The following TEX36 variants were observed in gnomAD, a reference collection of about 807,000 sequenced individuals.
TEX36 encodes the protein testis expressed 36, also known as testis-expressed protein 36.
A neutral mutation model predicts 13.6 loss-of-function variants in TEX36; 12 were observed. The observed-to-expected ratio is 0.88, with a 90% CI of 0.56 to 1.43. The LOEUF is 1.43. Among genes scored for constraint, TEX36 ranks in the 40% most tolerant of loss-of-function variants. TEX36 has a pLI of 0.00. For synonymous variants in TEX36, 93 were observed against 83.0 expected, an observed-to-expected ratio of 1.12 and a Z score of -0.65; for missense variants, 224 against 228.3, an observed-to-expected ratio of 0.98 and a Z score of 0.12.
downstream of TEX36, among the ~76,000 whole-genome samples, chr10:125,651,306 G>A (rs762168443): frequency 8.5e-5 from 13 of 152,178 alleles, no homozygotes; most frequent in Non-Finnish European, 1.8e-4. Flanking sequence ...CCATGATCAA[G>A]TTGGCTTCAT....
At chr10:125,653,069 A>G (rs565900808), downstream of TEX36, among the ~76,000 whole-genome samples, 175 of 152,274 alleles carry the variant, frequency 1.1e-3, 1 homozygote, top group African/African-American at 4.2e-3. Context: ...CATTGTGGAA[A>G]ACAGTGTGGC....
intron 3 of TEX36, among the ~76,000 whole-genome samples, chr10:125,624,198 A>G (rs1846459175): frequency 1.3e-5 from 2 of 152,116 alleles, no homozygotes; most frequent in African/African-American, 4.8e-5. Flanking sequence ...TGGCTGTTGA[A>G]TCTCTTGATC....
downstream of TEX36, among the ~76,000 whole-genome samples, chr10:125,652,375 A>C (rs992498814): frequency 2.6e-5 from 4 of 152,246 alleles, no homozygotes; most frequent in Non-Finnish European, 4.4e-5. Context: ...TGACAAAAAC[A>C]AGAAATGGGA....
chr10:125,576,705 C>T, exon 4 of TEX36: 2 of 1,533,660 alleles, frequency 1.3e-6, no homozygotes, highest in South Asian at 2.4e-5. Flanking sequence ...TTCTATTAGT[C>T]AGGACTCTGG....
At chr10:125,633,410 T>C (rs2092296559) in intron 3 of TEX36, among the ~76,000 whole-genome samples, 1 of 152,210 alleles carries the variant, frequency 6.6e-6, no homozygotes, top group Non-Finnish European at 1.5e-5. Flanking sequence ...TGCTCTCAGT[T>C]CTGGGTAATG....
At chr10:125,664,284 A>G (rs1228845897) in intron 1 of TEX36, among the ~76,000 whole-genome samples, 1 of 152,222 alleles carries the variant, frequency 6.6e-6, no homozygotes, top group Non-Finnish European at 1.5e-5. Flanking sequence ...TATTGTGAAT[A>G]GTGCTGCAAT....
chr10:125,657,465 A>C (rs1031448045), intron 3 of TEX36, among the ~76,000 whole-genome samples: 4 of 152,218 alleles, frequency 2.6e-5, no homozygotes, highest in Non-Finnish European at 4.4e-5. Context: ...CGGCTTCTAA[A>C]GAATGACTTG....
At chr10:125,576,820 A>T (rs1845829803) in exon 4 of TEX36, 1 of 1,535,976 alleles carries the variant, frequency 6.5e-7, no homozygotes, top group African/African-American at 1.4e-5. Flanking sequence ...ACCGGCTCAT[A>T]GAACTCTTGT....
intron 3 of TEX36, among the ~76,000 whole-genome samples, chr10:125,647,950 TG>T (rs1287756105): frequency 6.6e-6 from 1 of 152,154 alleles, no homozygotes; most frequent in East Asian, 1.9e-4. Context: ...GCAGCAAGGC[TG>T]GGGGAGGGGC....
At chr10:125,666,893 G>C in intron 1 of TEX36, 3 of 439,286 alleles carry the variant, frequency 6.8e-6, no homozygotes, top group African/African-American at 4.0e-5. Flanking sequence ...TATGGTTAGA[G>C]ATGAAGAGGG....
chr10:125,623,124 C>T (rs1382943623), intron 3 of TEX36, among the ~76,000 whole-genome samples: 2 of 152,172 alleles, frequency 1.3e-5, no homozygotes, highest in East Asian at 3.9e-4. Context: ...AGAGTATACA[C>T]AGCCTTCTGG....
At chr10:125,664,345 G>A (rs1003905286) in intron 1 of TEX36, among the ~76,000 whole-genome samples, 8 of 151,978 alleles carry the variant, frequency 5.3e-5, no homozygotes, top group African/African-American at 1.9e-4. Context: ...CTTTCTTTTG[G>A]GTATATACCT....
chr10:125,633,848 T>A (rs1264983146), intron 3 of TEX36, among the ~76,000 whole-genome samples: 1 of 152,186 alleles, frequency 6.6e-6, no homozygotes, highest in Non-Finnish European at 1.5e-5. Context: ...CTACGTTGTT[T>A]GACTGCATTG....
chr10:125,672,485 G>A (rs560659015), intron 1 of TEX36, among the ~76,000 whole-genome samples: 38 of 152,312 alleles, frequency 2.5e-4, no homozygotes, highest in Non-Finnish European at 5.0e-4. Flanking sequence ...CTGCACTGTG[G>A]TCTGAGAGAC....
At chr10:125,602,769 T>C (rs1846165271) in intron 3 of TEX36, among the ~76,000 whole-genome samples, 1 of 152,244 alleles carries the variant, frequency 6.6e-6, no homozygotes, top group Non-Finnish European at 1.5e-5. Flanking sequence ...ACTTTTAAAA[T>C]TCTATGTGTT....
intron 3 of TEX36, among the ~76,000 whole-genome samples, chr10:125,657,669 G>T (rs994470980): frequency 2.6e-5 from 4 of 152,122 alleles, no homozygotes; most frequent in African/African-American, 9.7e-5. Flanking sequence ...AAAAGAATCT[G>T]CAACTGAAAT....
intron 3 of TEX36, among the ~76,000 whole-genome samples, chr10:125,633,770 C>T (rs1010484334): frequency 2.1e-4 from 32 of 152,330 alleles, no homozygotes; most frequent in Admixed American, 1.3e-3. Context: ...GCCCCATCGA[C>T]ATCAGGGAAT....
intron 3 of TEX36, among the ~76,000 whole-genome samples, chr10:125,599,015 C>T (rs752880375): frequency 1.3e-5 from 2 of 152,164 alleles, no homozygotes; most frequent in Non-Finnish European, 2.9e-5. Context: ...CATGACCTTG[C>T]CTGCCCCACT....
chr10:125,672,268 G>A (rs1259523315), intron 1 of TEX36, among the ~76,000 whole-genome samples: 2 of 152,070 alleles, frequency 1.3e-5, no homozygotes, highest in Non-Finnish European at 2.9e-5. Context: ...TGGGCATTTG[G>A]TGCTATAAGT....
Sources: allele counts gnomAD v4.1 joint callset (sites outside exome capture counted in the v4.1 genomes callset), GRCh38; gene constraint gnomAD v4.1.1; transcripts MANE v1.5; gene names NCBI Gene and HGNC (gene_info 2026-07-23, HGNC 2026-07-21).